The following NUMB variants were observed in gnomAD, a reference collection of about 807,000 sequenced individuals.
NUMB encodes NUMB endocytic adaptor protein.
Under a neutral mutation model 59.7 loss-of-function variants are expected in NUMB, and 29 were observed. That is an observed-to-expected ratio of 0.49 (90% CI 0.36 to 0.66). The LOEUF (loss-of-function observed/expected upper bound fraction) is 0.66, where lower values mean the gene tolerates loss of function less well. Among genes scored for constraint, NUMB ranks in the 30% least tolerant of loss-of-function variants. NUMB has a pLI of 0.00. For missense variants in NUMB, 723 were observed against 822.0 expected (o/e 0.88, Z 1.47); for synonymous variants, 288 against 288.2 (o/e 1.00, Z 0.01).
At chr14:73,300,093 C>T (rs972520822) in intron 6 of NUMB, among the ~76,000 whole-genome samples, 3 of 152,060 alleles carry the variant, frequency 2.0e-5, no homozygotes, top group Admixed American at 2.0e-4. Context: ...AATAGTAAAG[C>T]AGAATTCTTA....
chr14:73,421,335 C>T (rs1158143982), intron 1 of NUMB, among the ~76,000 whole-genome samples: 1 of 152,036 alleles, frequency 6.6e-6, no homozygotes, highest in African/African-American at 2.4e-5. Flanking sequence ...CAGGCATGCA[C>T]CACTGCGCCC....
At chr14:73,351,090 CT>C (rs1356530241) in intron 4 of NUMB, among the ~76,000 whole-genome samples, 2 of 152,178 alleles carry the variant, frequency 1.3e-5, no homozygotes, top group Non-Finnish European at 2.9e-5. Context: ...GACAGGTACA[CT>C]AAAAGCCCAG....
intron 2 of NUMB, among the ~76,000 whole-genome samples, chr14:73,403,568 T>A (rs1164099420): frequency 6.6e-6 from 1 of 152,188 alleles, no homozygotes; most frequent in Non-Finnish European, 1.5e-5. Context: ...CTCCCTGGGC[T>A]CTGAATTGCA....
At chr14:73,324,822 A>T (rs1891579679) in intron 4 of NUMB, among the ~76,000 whole-genome samples, 2 of 152,154 alleles carry the variant, frequency 1.3e-5, no homozygotes, top group South Asian at 4.1e-4. Flanking sequence ...AATGGCAAGG[A>T]ATTTACCTCC....
At chr14:73,431,851 T>G (rs1897846289) in intron 1 of NUMB, among the ~76,000 whole-genome samples, 1 of 152,070 alleles carries the variant, frequency 6.6e-6, no homozygotes, top group Non-Finnish European at 1.5e-5. Context: ...TTAAATATAC[T>G]TACTCTTTCT....
intron 1 of NUMB, among the ~76,000 whole-genome samples, chr14:73,436,724 T>C (rs1181195256): frequency 1.3e-5 from 2 of 151,988 alleles, no homozygotes; most frequent in African/African-American, 2.4e-5. Context: ...CTCACACCTG[T>C]AATCCCAGCA....
intron 2 of NUMB, among the ~76,000 whole-genome samples, chr14:73,392,416 T>G (rs1234912505): frequency 6.6e-6 from 1 of 152,194 alleles, no homozygotes; most frequent in Non-Finnish European, 1.5e-5. Context: ...TAGCTCTCCA[T>G]GATAACATTT....
At chr14:73,313,370 G>A (rs909421346) in intron 6 of NUMB, among the ~76,000 whole-genome samples, 24 of 151,934 alleles carry the variant, frequency 1.6e-4, no homozygotes, top group African/African-American at 5.3e-4. Context: ...TAAATTCAAA[G>A]TAGGGAATGA....
In NUMB at chr14:73,322,835, T is replaced by C. The variant is rs570209246; in HGVS notation, c.201+295A>G. ...ATGAGATGCTTTTAAATTTTTTAAT[T>C]ATTATTTTATTATTTAAGAAAAAAT... is the stretch of plus-strand genomic sequence containing the variant. On this transcript the variant is annotated intron_variant, in intron 5 of 12. Coordinates refer to ENST00000555238, the MANE Select transcript of NUMB (RefSeq NM_001005743.2). 2.6e-4 allele frequency: 43 copies of C among 163,194 alleles called. No individual in the cohort carries two copies. In the East Asian group the frequency reaches 4.3e-3, roughly 17 times the overall value. The allele number at this position is 163,194 out of a possible 1,614,324, so 10.1% of individuals were successfully genotyped here. A position where few individuals can be genotyped will look rare whatever the true frequency, so the allele number is the denominator to read the frequency against.
At position 73,355,615 on chromosome 14, in the gene NUMB, T is replaced by C; in HGVS notation, c.126+11A>G. ...TTCCACATACAGACTTATAGAAACA[T>C]CAGCTCTTACCTTAACCGGGAAGCT... On this transcript the variant is annotated intron_variant, in intron 4 of 12. Transcript: ENST00000555238. The C allele has an allele frequency of 1.9e-6, 3 of 1,608,550 alleles. No homozygotes were observed. The highest frequency in any genetic ancestry group is 4.5e-5 in the East Asian group (2 of 44,742).
At position 73,299,534 on chromosome 14, in the gene NUMB, TATATATGTCATATATGTATC is replaced by T. The variant is rs569617274; in HGVS notation, c.235-2269_235-2250del. The stretch of plus-strand genomic sequence containing the variant: ...GAATTCTTAAAATAGATAATATGTA[TATATATGTCATATATGTATC>T]ATATATGTCATATATATGACATGAC... On this transcript the variant is annotated intron_variant, in intron 6 of 12. Coordinates refer to ENST00000555238, the MANE Select transcript of NUMB (RefSeq NM_001005743.2). Among the ~76,000 whole-genome samples, 1,342 of 140,108 alleles carry T rather than the reference TATATATGTCATATATGTATC, an allele frequency of 9.6e-3. 15 individuals carry two copies. The highest frequency in any genetic ancestry group is 0.013 in the Non-Finnish European group (886 of 65,644). The allele number at this position is 140,108 out of a possible 152,430, so 91.9% of individuals were successfully genotyped here. A position where few individuals can be genotyped will look rare whatever the true frequency, so the allele number is the denominator to read the frequency against.
In NUMB at chr14:73,350,074, T is replaced by TACACACACAC. The variant is rs1172254479; in HGVS notation, c.126+5551_126+5552insGTGTGTGTGT. On this transcript the variant is annotated intron_variant, in intron 4 of 12. Coordinates refer to ENST00000555238, the MANE Select transcript of NUMB (RefSeq NM_001005743.2). ...ATACATACATATATACATACATACA[T>TACACACACAC]ACATACACACACACACACACACACA... Among the ~76,000 whole-genome samples, 498 of 131,114 alleles carry TACACACACAC rather than the reference T, an allele frequency of 3.8e-3. 8 individuals are homozygous for TACACACACAC. Among genetic ancestry groups the TACACACACAC allele is most frequent in the African/African-American group, 0.014 (455 of 32,592 alleles). 86.0% of individuals were successfully genotyped at this position (131,114 alleles called of 152,430 possible).
chr14:73,276,767 G>A lies in NUMB; in HGVS notation c.1767C>T (p.Phe589=). ...CCAACCTGCCATCATCTACACCATT[G>A]AAAGCTGCAGAACCGTTGAGGTGCT... The part of the protein sequence containing the change: ...PAQHLNGSAA[F]NGVDDGRLAS... Residue 589 remains phenylalanine (F), a synonymous_variant, in exon 13 of 13, where the codon TTC becomes TTT. Transcript: ENST00000555238. 6.2e-7 allele frequency: 1 copy of A among 1,614,164 alleles called. No homozygotes were observed. The highest frequency in any genetic ancestry group is 8.5e-7 in the Non-Finnish European group (1 of 1,180,028).
intron 4 of NUMB, among the ~76,000 whole-genome samples, chr14:73,337,790 T>C (rs1892418392): frequency 6.6e-6 from 1 of 152,198 alleles, no homozygotes; most frequent in South Asian, 2.1e-4. Context: ...GTAAGGTTGC[T>C]AGATCTAATT....
intron 2 of NUMB, among the ~76,000 whole-genome samples, chr14:73,387,858 C>T (rs1207655638): frequency 6.6e-6 from 1 of 150,988 alleles, no homozygotes; most frequent in African/African-American, 2.4e-5. Flanking sequence ...GGCTCAGTGG[C>T]TCACACCTAT....
intron 3 of NUMB, among the ~76,000 whole-genome samples, chr14:73,358,989 G>A (rs1412888995): frequency 6.6e-6 from 1 of 152,140 alleles, no homozygotes; most frequent in African/African-American, 2.4e-5. Flanking sequence ...TCCATTAAAA[G>A]AGGACATCCA....
chr14:73,357,882 G>C (rs1594946311), intron 3 of NUMB, among the ~76,000 whole-genome samples: 1 of 132,224 alleles, frequency 7.6e-6, no homozygotes, highest in Admixed American at 7.2e-5. Context: ...TTATCCTGAG[G>C]CCCCCCCCAA....
chr14:73,406,398 T>C (rs904556801), intron 2 of NUMB, among the ~76,000 whole-genome samples: 4 of 152,030 alleles, frequency 2.6e-5, no homozygotes, highest in African/African-American at 9.7e-5. Flanking sequence ...TCCAGCTTCA[T>C]CCATGTCCCT....
intron 3 of NUMB, among the ~76,000 whole-genome samples, chr14:73,361,966 A>G (rs1894115379): frequency 6.6e-6 from 1 of 152,166 alleles, no homozygotes; most frequent in Non-Finnish European, 1.5e-5. Flanking sequence ...CTGAAAAAGA[A>G]AAAATGGAGG....
Sources: allele counts gnomAD v4.1 joint callset (sites outside exome capture counted in the v4.1 genomes callset), GRCh38; gene constraint gnomAD v4.1.1; transcripts MANE v1.5; gene names NCBI Gene and HGNC (gene_info 2026-07-23, HGNC 2026-07-21).